Variants in CTDSPL observed in about 807,000 individuals in gnomAD.
CTDSPL encodes CTD small phosphatase-like protein.
A neutral mutation model predicts 30.5 loss-of-function variants in CTDSPL; 8 were observed. The ratio of observed to expected loss-of-function variants is 0.26; its 90% CI spans 0.15 to 0.47. The LOEUF is 0.47. CTDSPL is among the 20% of genes least tolerant of loss of function. The pLI is 0.99. For missense variants in CTDSPL, 248 were observed against 366.1 expected, an observed-to-expected ratio of 0.68 and a Z score of 2.63; for synonymous variants, 110 against 137.9, an observed-to-expected ratio of 0.80 and a Z score of 1.42.
intron 1 of CTDSPL, among the ~76,000 whole-genome samples, chr3:37,878,006 T>C (rs1341098469): frequency 6.6e-6 from 1 of 152,098 alleles, no homozygotes; most frequent in Admixed American, 6.6e-5. Flanking sequence ...ACATCCAAAC[T>C]ATATCACCTC....
At chr3:37,903,812 C>A (rs547774460) in intron 1 of CTDSPL, among the ~76,000 whole-genome samples, 1 of 152,294 alleles carries the variant, frequency 6.6e-6, no homozygotes, top group Admixed American at 6.5e-5. Context: ...CCCAGAGAAG[C>A]TACAATGGGT....
At chr3:37,935,835 G>A (rs1474948652) in intron 1 of CTDSPL, among the ~76,000 whole-genome samples, 1 of 152,158 alleles carries the variant, frequency 6.6e-6, no homozygotes, top group Non-Finnish European at 1.5e-5. Context: ...CCCAGGGAAA[G>A]GTAGGGAGGG....
chr3:37,935,189 G>A (rs535141178), intron 1 of CTDSPL, among the ~76,000 whole-genome samples: 5 of 152,244 alleles, frequency 3.3e-5, no homozygotes, highest in East Asian at 1.9e-4. Context: ...TCTTTGGCAC[G>A]TTACTCAACT....
chr3:37,948,318 A>T lies in CTDSPL; in HGVS notation c.234+1107A>T, dbSNP rs534165656. Reference sequence around the variant, plus strand: ...AAATATATGTATATATGTATAAGGAATAAGGATGAGCGAAGAGACCTCATA... The same window carrying T: ...AAATATATGTATATATGTATAAGGATTAAGGATGAGCGAAGAGACCTCATA... On this transcript the variant is annotated intron_variant, in intron 2 of 7. Transcript: ENST00000273179. 2.6e-5 allele frequency among the ~76,000 whole-genome samples: 4 copies of T among 152,302 alleles called. No individual in the cohort carries two copies. In the South Asian group the frequency reaches 6.2e-4, roughly 24 times the overall value.
intron 1 of CTDSPL, among the ~76,000 whole-genome samples, chr3:37,900,587 A>C (rs1291068630): frequency 2.0e-5 from 3 of 152,198 alleles, no homozygotes; most frequent in African/African-American, 7.2e-5. Flanking sequence ...AAAACGATAA[A>C]GATAAGTCAT....
chr3:37,978,999 T>C (rs1699459369), intron 7 of CTDSPL, among the ~76,000 whole-genome samples: 1 of 152,244 alleles, frequency 6.6e-6, no homozygotes, highest in African/African-American at 2.4e-5. Context: ...CTTTCTCTTA[T>C]GCTGCAACTC....
At chr3:37,908,235 G>A (rs575244042) in intron 1 of CTDSPL, among the ~76,000 whole-genome samples, 86 of 152,348 alleles carry the variant, frequency 5.6e-4, no homozygotes, top group Middle Eastern at 3.4e-3. Flanking sequence ...CCAAGTGGGC[G>A]AATGTCCATC....
At chr3:37,871,878 T>C (rs1025306617) in intron 1 of CTDSPL, among the ~76,000 whole-genome samples, 1 of 152,334 alleles carries the variant, frequency 6.6e-6, no homozygotes, top group East Asian at 1.9e-4. Flanking sequence ...TGGGTTTTTT[T>C]CCTTATTTCT....
intron 1 of CTDSPL, among the ~76,000 whole-genome samples, chr3:37,866,093 G>C (rs1169221743): frequency 6.6e-6 from 1 of 152,176 alleles, no homozygotes; most frequent in Non-Finnish European, 1.5e-5. Context: ...CATGTACAAG[G>C]ATTTTCACTT....
In CTDSPL at chr3:37,865,047, G is replaced by A. The variant is rs569561625; in HGVS notation, c.79+2769G>A. Among the ~76,000 whole-genome samples, 45 of 152,250 alleles carry A rather than the reference G, an allele frequency of 3.0e-4. No individual in the cohort carries two copies. In the South Asian group the frequency reaches 8.7e-3, roughly 29 times the overall value. ...ATTTACAAAGGAAGTACTAAGCATG[G>A]GCTGTGGTGTTTTGCACCAAGTTGA... On this transcript the variant is annotated intron_variant, in intron 1 of 7. Coordinates refer to ENST00000273179, the MANE Select transcript of CTDSPL (RefSeq NM_001008392.2).
intron 1 of CTDSPL, among the ~76,000 whole-genome samples, chr3:37,946,559 C>G (rs769261434): frequency 6.6e-6 from 1 of 152,202 alleles, no homozygotes; most frequent in Non-Finnish European, 1.5e-5. Context: ...TCTTAACCCA[C>G]GAAGTTAGTC....
At chr3:37,897,789 T>C (rs192309392) in intron 1 of CTDSPL, among the ~76,000 whole-genome samples, 5 of 152,256 alleles carry the variant, frequency 3.3e-5, no homozygotes, top group Middle Eastern at 3.4e-3. Flanking sequence ...TTGTACGATA[T>C]GGGAATGCAA....
chr3:37,905,222 C>T (rs1459812603), intron 1 of CTDSPL, among the ~76,000 whole-genome samples: 1 of 152,196 alleles, frequency 6.6e-6, no homozygotes, highest in East Asian at 1.9e-4. Flanking sequence ...TTCACAGTTT[C>T]CCTGATACAA....
At chr3:37,967,986 C>CT in intron 5 of CTDSPL, 104 bp downstream of exon 5, 1 of 804,584 alleles carries the variant, frequency 1.2e-6, no homozygotes, top group Non-Finnish European at 2.0e-6. Context: ...AACTTTATTA[C>CT]GGAATCAAAA....
chr3:37,905,881 T>G (rs1040675341), intron 1 of CTDSPL, among the ~76,000 whole-genome samples: 4 of 152,216 alleles, frequency 2.6e-5, no homozygotes, highest in Non-Finnish European at 5.9e-5. Flanking sequence ...CAGGTTTTAG[T>G]CATGCTTATA....
chr3:37,964,456 A>G, intron 3 of CTDSPL, 115 bp from the exon 4 acceptor site: 1 of 645,310 alleles, frequency 1.5e-6, no homozygotes, highest in South Asian at 2.2e-5. Flanking sequence ...ATTGTTCTTA[A>G]TAAAAGCCCA....
Position 37,862,183 on chromosome 3 carries a change from CGCCG to C in CTDSPL, c.-16_-13del. The C allele has an allele frequency of 8.6e-7, 1 of 1,167,056 alleles. No individual in the cohort carries two copies. Among genetic ancestry groups the C allele is most frequent in the Non-Finnish European group, 1.1e-6 (1 of 943,984 alleles). 72.3% of individuals were successfully genotyped at this position (1,167,056 alleles called of 1,614,324 possible). ...GCGGGGGGCCGGGCCTGCGGGCGGC[CGCCG>C]CGCCGCGCACCCATGGACGGCCCGG... On this transcript the variant is annotated 5_prime_UTR_variant, in exon 1 of 8. Coordinates refer to ENST00000273179, the MANE Select transcript of CTDSPL (RefSeq NM_001008392.2). The surrounding 1 kb of genome is among the most constrained non-coding windows in gnomAD (Gnocchi z 4.3).
chr3:37,895,637 A>T (rs1234209561), intron 1 of CTDSPL, among the ~76,000 whole-genome samples: 1 of 152,220 alleles, frequency 6.6e-6, no homozygotes, highest in Non-Finnish European at 1.5e-5. Context: ...AAATCTGCTT[A>T]CTGTCTATCT....
chr3:37,955,998 G>A (rs1011184064), intron 2 of CTDSPL, among the ~76,000 whole-genome samples: 1 of 152,164 alleles, frequency 6.6e-6, no homozygotes, highest in Admixed American at 6.5e-5. Context: ...TGATTGCATT[G>A]TCTGTTGGAG....
Sources: gnomAD v4.1 joint callset for allele counts (sites outside exome capture counted in the v4.1 genomes callset) on GRCh38, gnomAD v4.1.1 for gene constraint, Gnocchi (gnomAD v3.1) non-coding constraint, MANE v1.5 for transcripts, NCBI Gene and HGNC (gene_info 2026-07-23, HGNC 2026-07-21) for gene names.